The following UBE3D variants were observed in gnomAD, a reference collection of about 807,000 sequenced individuals.
UBE3D encodes the protein ubiquitin protein ligase E3D.
UBE3D carries 48 observed loss-of-function variants against 49.6 expected under a neutral mutation model. The ratio of observed to expected loss-of-function variants is 0.97; its 90% CI spans 0.77 to 1.23. The LOEUF is 1.23. UBE3D is among the 50% of genes most tolerant of loss of function. UBE3D has a pLI of 0.00. For missense variants in UBE3D, 452 were observed against 468.4 expected (o/e 0.96, Z 0.32); for synonymous variants, 189 against 174.2 (o/e 1.08, Z -0.67).
At chr6:83,020,643 T>TTCA (rs1781028561) in intron 7 of UBE3D, among the ~76,000 whole-genome samples, 1 of 152,216 alleles carries the variant, frequency 6.6e-6, no homozygotes, top group Non-Finnish European at 1.5e-5. Context: ...AAAGTAAAAC[T>TTCA]GATTTCAGAA....
chr6:83,018,032 C>G (rs1256550399), intron 8 of UBE3D: 3 of 152,078 alleles, frequency 2.0e-5, no homozygotes. Flanking sequence ...CGTTTTACTT[C>G]TGGAGCGGGA....
intron 8 of UBE3D, among the ~76,000 whole-genome samples, chr6:82,997,408 C>T (rs1582589554): frequency 6.6e-6 from 1 of 152,164 alleles, no homozygotes; most frequent in Non-Finnish European, 1.5e-5. Flanking sequence ...TGGTATATGA[C>T]ATTATTTATG....
At chr6:83,026,843 CA>C in intron 5 of UBE3D, among the ~76,000 whole-genome samples, 1 of 152,018 alleles carries the variant, frequency 6.6e-6, no homozygotes, top group Non-Finnish European at 1.5e-5. Flanking sequence ...AGGCATGCAC[CA>C]CTATGCCCAG....
chr6:83,044,385 A>T, intron 4 of UBE3D, 43 bp downstream of exon 4: 1 of 1,590,136 alleles, frequency 6.3e-7, no homozygotes, highest in Non-Finnish European at 8.6e-7. Flanking sequence ...TCAGTATCTA[A>T]GACAGCCTCT....
intron 6 of UBE3D, 46 bp downstream of exon 6, chr6:83,023,923 G>A: frequency 7.6e-7 from 1 of 1,310,602 alleles, no homozygotes; most frequent in Non-Finnish European, 1.0e-6. Context: ...TCTGAATGGG[G>A]AAAAAAATAA....
intron 8 of UBE3D, among the ~76,000 whole-genome samples, chr6:82,965,587 A>G (rs1289354090): frequency 6.7e-6 from 1 of 150,016 alleles, no homozygotes; most frequent in Non-Finnish European, 1.5e-5. Context: ...CCATCTCAAA[A>G]AAAAAAAAAA....
At chr6:82,903,779 TAATTAGCCTGTTTGTTTTA>T in intron 9 of UBE3D, among the ~76,000 whole-genome samples, 1 of 152,138 alleles carries the variant, frequency 6.6e-6, no homozygotes, top group African/African-American at 2.4e-5. Flanking sequence ...CGCAAAACAG[TAATTAGCCTGTTTGTTTTA>T]AAGGAGGGGT....
intron 8 of UBE3D, among the ~76,000 whole-genome samples, chr6:82,969,436 G>A (rs532461804): frequency 7.6e-4 from 116 of 152,046 alleles, no homozygotes; most frequent in Middle Eastern, 3.4e-3. Flanking sequence ...GTGAAATCCC[G>A]TCTTTACTAA....
At chr6:82,887,308 G>A in the UBE3D span, among the ~76,000 whole-genome samples, 1 of 117,174 alleles carries the variant, frequency 8.5e-6, no homozygotes, top group South Asian at 3.0e-4. Context: ...CGGCCACAGA[G>A]CAAGACTGTC....
At chr6:82,935,624 C>A (rs181799638) in intron 9 of UBE3D, among the ~76,000 whole-genome samples, 2 of 152,110 alleles carry the variant, frequency 1.3e-5, no homozygotes, top group East Asian at 3.9e-4. Flanking sequence ...CACTGTAAAT[C>A]TATAGTATAT....
chr6:83,055,068 CAA>C (rs1225937315), intron 2 of UBE3D, among the ~76,000 whole-genome samples: 2 of 152,080 alleles, frequency 1.3e-5, no homozygotes, highest in African/African-American at 4.8e-5. Flanking sequence ...GAAATGGCTC[CAA>C]AAAGAGTCCA....
chr6:83,023,749 G>A (rs1781261379), intron 6 of UBE3D, among the ~76,000 whole-genome samples: 1 of 152,098 alleles, frequency 6.6e-6, no homozygotes, highest in Admixed American at 6.6e-5. Context: ...CAGGGGGAGG[G>A]GTAAGAGATA....
chr6:83,063,729 A>G (rs1422528803), intron 1 of UBE3D, among the ~76,000 whole-genome samples: 1 of 152,218 alleles, frequency 6.6e-6, no homozygotes, highest in Admixed American at 6.5e-5. Context: ...AGGACTGATA[A>G]TACTAAATGT....
chr6:83,044,474 G>T lies in UBE3D; in HGVS notation c.551C>A (p.Ser184Tyr), dbSNP rs1217918610. ...TSLWQQRPEL[S>Y]PVEMCCVSSD... ...AGAAACACAGCACATCTCCACTGGG[G>T]ATAGTTCAGGTCTTTGCTGCCACAA... The change falls in exon 4 of 10, where the codon TCC becomes TAC. Residue 184 changes from serine (S) to tyrosine (Y), a missense_variant. Ser to Tyr is a moderately radical substitution (Grantham distance 144, BLOSUM62 -2). Transcript: ENST00000369747. The T allele has an allele frequency of 1.2e-5, 19 of 1,613,998 alleles. No individual in the cohort carries two copies. The highest frequency in any genetic ancestry group is 1.6e-5 in the Non-Finnish European group (19 of 1,180,004).
chr6:82,969,571 G>A (rs1777199280), intron 8 of UBE3D, among the ~76,000 whole-genome samples: 1 of 152,076 alleles, frequency 6.6e-6, no homozygotes, highest in Non-Finnish European at 1.5e-5. Flanking sequence ...TCATCCCACT[G>A]CACTCCAGAC....
At chr6:83,016,049 T>C (rs1780675467) in intron 8 of UBE3D, among the ~76,000 whole-genome samples, 2 of 152,218 alleles carry the variant, frequency 1.3e-5, no homozygotes, top group African/African-American at 4.8e-5. Context: ...CTGGTGAGGC[T>C]GTGCATACAC....
intron 9 of UBE3D, among the ~76,000 whole-genome samples, chr6:82,930,066 A>G (rs905242443): frequency 2.0e-5 from 3 of 152,216 alleles, no homozygotes; most frequent in African/African-American, 4.8e-5. Context: ...AAGTAACTGT[A>G]TAATGGGGGT....
At chr6:82,938,155 C>T (rs1412589794) in intron 9 of UBE3D, 1 of 152,146 alleles carries the variant, frequency 6.6e-6, no homozygotes, top group East Asian at 1.9e-4. Flanking sequence ...TGGGAACAGA[C>T]AAAAATGACT....
chr6:83,030,780 C>G (rs147521497), intron 5 of UBE3D, among the ~76,000 whole-genome samples: 2,679 of 152,228 alleles, frequency 0.018, 46 homozygotes, highest in Admixed American at 0.058. Context: ...AAGTTTGAAC[C>G]TTCCTAGAGA....
Sources: allele counts gnomAD v4.1 joint callset (sites outside exome capture counted in the v4.1 genomes callset), GRCh38; gene constraint gnomAD v4.1.1; transcripts MANE v1.5; gene names NCBI Gene and HGNC (gene_info 2026-07-23, HGNC 2026-07-21).